ABCB1: variants seen among roughly 807,000 people sequenced by gnomAD.
ABCB1 encodes the protein ATP-dependent translocase ABCB1.
ABCB1 carries 69 observed loss-of-function variants against 142.0 expected under a neutral mutation model. The ratio of observed to expected loss-of-function variants is 0.49; its 90% CI spans 0.40 to 0.59. The LOEUF is 0.59. Ranked by LOEUF, ABCB1 falls within the 20% of genes least tolerant of loss-of-function variation. The pLI is 0.00. For synonymous variants in ABCB1, 532 were observed against 539.2 expected (o/e 0.99, Z 0.18); for missense variants, 1,326 against 1,554.7 (o/e 0.85, Z 2.47).
At position 87,566,855 on chromosome 7, in the gene ABCB1, C is replaced by T. The variant is rs1817803929; in HGVS notation, c.460G>A (p.Ala154Thr). The change falls in exon 6 of 28, where the codon GCT becomes ACT. Residue 154 changes from alanine to threonine, a missense_variant. Physicochemically the swap from Ala to Thr is moderately conservative, Grantham distance 58. Transcript: ENST00000622132. Reference protein sequence around the residue: ...IHKIRKQFFHAIMRQEIGWFD... With the variant: ...IHKIRKQFFHTIMRQEIGWFD... ...CAGCCTATCTCCTGTCGCATTATAGCATGAAAAAACTGTTTTCTAATTTTG... is the reference window on the plus strand; with the variant it reads ...CAGCCTATCTCCTGTCGCATTATAGTATGAAAAAACTGTTTTCTAATTTTG... 1 of 1,614,008 alleles carries T rather than the reference C, an allele frequency of 6.2e-7. No individual in the cohort carries two copies. The highest frequency in any genetic ancestry group is 8.5e-7 in the Non-Finnish European group (1 of 1,180,018).
At chr7:87,550,650 G>A in intron 10 of ABCB1, 72 bp from the exon 11 acceptor site, 1 of 1,567,670 alleles carries the variant, frequency 6.4e-7, no homozygotes, top group Non-Finnish European at 8.8e-7. Flanking sequence ...GTGGAGAGCT[G>A]GATAAAGTGA....
At chr7:87,548,622 A>T (rs1349777205) in intron 14 of ABCB1, among the ~76,000 whole-genome samples, 1 of 152,184 alleles carries the variant, frequency 6.6e-6, no homozygotes, top group African/African-American at 2.4e-5. Flanking sequence ...TTCTACTGTG[A>T]CATCTCAACT....
chr7:87,687,040 A>T (rs1244258630), intron 1 of ABCB1, among the ~76,000 whole-genome samples: 1 of 152,178 alleles, frequency 6.6e-6, no homozygotes, highest in East Asian at 1.9e-4. Flanking sequence ...ATTAAAGAAA[A>T]AATGATTAAA....
chr7:87,663,230 T>C (rs1246558209), intron 1 of ABCB1, among the ~76,000 whole-genome samples: 1 of 152,134 alleles, frequency 6.6e-6, no homozygotes, highest in African/African-American at 2.4e-5. Context: ...ATGCCCTTTA[T>C]TTCTTTCTCT....
intron 1 of ABCB1, among the ~76,000 whole-genome samples, chr7:87,635,558 A>G (rs932009936): frequency 6.6e-6 from 1 of 152,222 alleles, no homozygotes; most frequent in Non-Finnish European, 1.5e-5. Context: ...TATGTAGGAC[A>G]TTGTGATAAT....
intron 1 of ABCB1, among the ~76,000 whole-genome samples, chr7:87,637,934 G>A (rs1021711508): frequency 6.6e-6 from 1 of 151,854 alleles, no homozygotes; most frequent in Non-Finnish European, 1.5e-5. Context: ...CTAATGCAGT[G>A]TTGCAGAAAA....
intron 1 of ABCB1, among the ~76,000 whole-genome samples, chr7:87,711,712 C>T (rs1348639442): frequency 6.6e-6 from 1 of 152,122 alleles, no homozygotes; most frequent in African/African-American, 2.4e-5. Flanking sequence ...AATTTAGTTT[C>T]TCAAGTGCTG....
chr7:87,564,046 TA>T, intron 7 of ABCB1: 1 of 326,844 alleles, frequency 3.1e-6, no homozygotes, highest in Non-Finnish European at 5.9e-6. Flanking sequence ...AGACAGTCAT[TA>T]AAAATAACTA....
Position 87,642,269 on chromosome 7 carries a change from G to A in ABCB1, c.-330-41191C>T, listed in dbSNP as rs1464381102. On this transcript the variant is annotated intron_variant, in intron 1 of 28. Coordinates refer to the ABCB1 transcript ENST00000265724. ...GTGTGTTTGCATAGACAGAAACTGG[G>A]ACCTTTCATTTTCGTAGCATTCTAG... Among the ~76,000 whole-genome samples the A allele has an allele frequency of 3.9e-5, 6 of 152,108 alleles. No individual in the cohort carries two copies. In the East Asian group the frequency reaches 1.2e-3, roughly 29 times the overall value.
chr7:87,552,021 T>G (rs1330789497), intron 9 of ABCB1, among the ~76,000 whole-genome samples: 4 of 152,208 alleles, frequency 2.6e-5, no homozygotes, highest in African/African-American at 9.7e-5. Context: ...CTATCTGTTC[T>G]CCCTACCCAG....
intron 8 of ABCB1, among the ~76,000 whole-genome samples, chr7:87,558,040 A>G (rs568648421): frequency 6.6e-6 from 1 of 152,332 alleles, no homozygotes; most frequent in Admixed American, 6.5e-5. Flanking sequence ...AACCAGGTGA[A>G]GGAAGGAAAA....
chr7:87,693,733 A>C (rs956697837), intron 1 of ABCB1, among the ~76,000 whole-genome samples: 4 of 152,194 alleles, frequency 2.6e-5, no homozygotes, highest in Non-Finnish European at 5.9e-5. Flanking sequence ...TTTACTTACC[A>C]AGTGTAGCTC....
At chr7:87,711,517 A>G (rs1384577242) in intron 1 of ABCB1, among the ~76,000 whole-genome samples, 1 of 152,090 alleles carries the variant, frequency 6.6e-6, no homozygotes, top group African/African-American at 2.4e-5. Flanking sequence ...ATATTAGGAC[A>G]ACAGTCATTC....
intron 8 of ABCB1, among the ~76,000 whole-genome samples, chr7:87,560,909 A>G (rs1224809674): frequency 1.3e-5 from 2 of 152,214 alleles, no homozygotes; most frequent in Non-Finnish European, 1.5e-5. Context: ...AGGAAAATGA[A>G]CCACGGATTA....
At chr7:87,642,505 A>G (rs1584979419) in intron 1 of ABCB1, among the ~76,000 whole-genome samples, 1 of 152,216 alleles carries the variant, frequency 6.6e-6, no homozygotes, top group East Asian at 1.9e-4. Flanking sequence ...AATAATTTTA[A>G]TTGGGAGTTC....
At chr7:87,508,861 C>T (rs28401809) in intron 26 of ABCB1, among the ~76,000 whole-genome samples, 61 of 152,224 alleles carry the variant, frequency 4.0e-4, no homozygotes, top group Admixed American at 4.0e-3. Flanking sequence ...CCTACTTCCT[C>T]AGCAGGCCAG....
At chr7:87,710,964 TTAAG>T (rs912998508) in intron 1 of ABCB1, among the ~76,000 whole-genome samples, 12 of 152,220 alleles carry the variant, frequency 7.9e-5, no homozygotes, top group African/African-American at 2.9e-4. Context: ...GGATTTGAAT[TTAAG>T]TATGAAATTT....
At chr7:87,657,181 AATG>A (rs1824193703) in intron 1 of ABCB1, among the ~76,000 whole-genome samples, 1 of 152,148 alleles carries the variant, frequency 6.6e-6, no homozygotes, top group Non-Finnish European at 1.5e-5. Flanking sequence ...GAACCTTAGG[AATG>A]ACACAGTAGT....
At chr7:87,669,697 T>C (rs151103425) in intron 1 of ABCB1, among the ~76,000 whole-genome samples, 120 of 152,352 alleles carry the variant, frequency 7.9e-4, no homozygotes, top group African/African-American at 2.7e-3. Context: ...GTTGTTTATC[T>C]GAAAAGGATC....
Sources: gnomAD v4.1 joint callset for allele counts (sites outside exome capture counted in the v4.1 genomes callset) on GRCh38, gnomAD v4.1.1 for gene constraint, MANE v1.5 for transcripts, NCBI Gene and HGNC (gene_info 2026-07-23, HGNC 2026-07-21) for gene names.